SHISA9: variants seen among roughly 807,000 people sequenced by gnomAD.
SHISA9 encodes the protein shisa family member 9, also known as protein shisa-9.
Under a neutral mutation model 38.0 loss-of-function variants are expected in SHISA9, and 13 were observed. The ratio of observed to expected loss-of-function variants is 0.34; its 90% CI spans 0.22 to 0.54. The LOEUF is 0.54. SHISA9 is among the 20% of genes least tolerant of loss of function. The pLI is 0.91. For missense variants in SHISA9, 538 were observed against 575.8 expected (o/e 0.93, Z 0.67); for synonymous variants, 275 against 242.0 (o/e 1.14, Z -1.27).
chr16:12,955,517 C>CAA (rs5815730), intron 2 of SHISA9, among the ~76,000 whole-genome samples: 6 of 149,176 alleles, frequency 4.0e-5, no homozygotes, highest in African/African-American at 1.2e-4. Context: ...TATTATAGGC[C>CAA]AAAAAAAAAA....
At chr16:13,541,077 A>G in the SHISA9 span, among the ~76,000 whole-genome samples, 2 of 152,192 alleles carry the variant, frequency 1.3e-5, no homozygotes, top group African/African-American at 4.8e-5. Flanking sequence ...AGTGGCGACA[A>G]GCTGTGTGTT....
chr16:13,026,199 A>G (rs1195353755), intron 2 of SHISA9, among the ~76,000 whole-genome samples: 1 of 151,600 alleles, frequency 6.6e-6, no homozygotes, highest in African/African-American at 2.4e-5. Flanking sequence ...TACAATTGAG[A>G]CATTTTTGCC....
chr16:13,197,791 T>G (rs1283365361), intron 2 of SHISA9: 1 of 151,938 alleles, frequency 6.6e-6, no homozygotes, highest in African/African-American at 2.4e-5. Flanking sequence ...TCCACAGAGG[T>G]GGGTAAGATA....
At chr16:13,051,613 A>G (rs930931760) in intron 2 of SHISA9, among the ~76,000 whole-genome samples, 2 of 152,156 alleles carry the variant, frequency 1.3e-5, no homozygotes, top group Non-Finnish European at 2.9e-5. Flanking sequence ...CCATTGTGCT[A>G]GGTAGGGCAA....
the SHISA9 span, among the ~76,000 whole-genome samples, chr16:13,358,353 A>T: frequency 6.6e-6 from 1 of 152,094 alleles, no homozygotes; most frequent in Non-Finnish European, 1.5e-5. Context: ...GACTTTAAAA[A>T]GTCTCTCTTC....
chr16:13,528,325 G>A, the SHISA9 span, among the ~76,000 whole-genome samples: 1 of 151,734 alleles, frequency 6.6e-6, no homozygotes, highest in African/African-American at 2.4e-5. Flanking sequence ...GCAACCCAAA[G>A]AGCATCAGAG....
chr16:13,110,596 G>A (rs896514060), intron 2 of SHISA9, among the ~76,000 whole-genome samples: 12 of 152,156 alleles, frequency 7.9e-5, no homozygotes, highest in African/African-American at 2.9e-4. Context: ...GGAGAGGAGA[G>A]CTGGAACTTG....
the SHISA9 span, among the ~76,000 whole-genome samples, chr16:13,400,196 T>A: frequency 3.9e-5 from 6 of 152,154 alleles, no homozygotes. Flanking sequence ...GGAATAAATG[T>A]CCCATTTCTC....
chr16:12,913,096 A>G (rs1345069231), intron 1 of SHISA9, among the ~76,000 whole-genome samples: 1 of 152,178 alleles, frequency 6.6e-6, no homozygotes, highest in South Asian at 2.1e-4. Flanking sequence ...TTTTTGGTAT[A>G]TTTAAAAAGT....
intron 1 of SHISA9, among the ~76,000 whole-genome samples, chr16:12,904,136 G>A (rs1427397049): frequency 6.6e-6 from 1 of 152,106 alleles, no homozygotes; most frequent in Admixed American, 6.5e-5. Context: ...CCACAGGGTG[G>A]CCTGTCCCCA....
the SHISA9 span, among the ~76,000 whole-genome samples, chr16:13,547,934 C>T: frequency 6.6e-6 from 1 of 152,104 alleles, no homozygotes; most frequent in South Asian, 2.1e-4. Context: ...AAGGACAAAG[C>T]TGGTGGCATC....
chr16:13,349,169 C>A, the SHISA9 span, among the ~76,000 whole-genome samples: 1 of 152,078 alleles, frequency 6.6e-6, no homozygotes, highest in Non-Finnish European at 1.5e-5. Flanking sequence ...ATATCAACTC[C>A]CTTTGTTCTC....
the SHISA9 span, among the ~76,000 whole-genome samples, chr16:13,259,316 C>T: frequency 6.6e-6 from 1 of 152,346 alleles, no homozygotes; most frequent in South Asian, 2.1e-4. Flanking sequence ...GCCCCTGTGG[C>T]TCTGCAGGGT....
the SHISA9 span, among the ~76,000 whole-genome samples, chr16:13,440,174 A>ATGTGGG: frequency 6.6e-6 from 1 of 152,134 alleles, no homozygotes; most frequent in Non-Finnish European, 1.5e-5. Flanking sequence ...TCTTAATGGT[A>ATGTGGG]TGTGGGTGGG....
rs528190524 is a variant in SHISA9 at position 12,965,169 on chromosome 16, C to T, written c.691+48354C>T. 3.0e-4 allele frequency among the ~76,000 whole-genome samples: 46 copies of T among 152,076 alleles called. 1 individual carries two copies. Among genetic ancestry groups the T allele is most frequent in the Non-Finnish European group, 2.6e-4 (18 of 68,020 alleles). On this transcript the variant is annotated intron_variant, in intron 2 of 4. Transcript: ENST00000558583. Reference sequence around the variant, plus strand: ...AGGAAATTTCAGAGATTGTGTGTTACATCATATTACATCAATATTACAGCC... The same window carrying T: ...AGGAAATTTCAGAGATTGTGTGTTATATCATATTACATCAATATTACAGCC...
chr16:13,119,958 A>G (rs2074068967), intron 2 of SHISA9, among the ~76,000 whole-genome samples: 1 of 151,676 alleles, frequency 6.6e-6, no homozygotes, highest in Non-Finnish European at 1.5e-5. Flanking sequence ...GATCTCGGAA[A>G]GATGGGGCAG....
At chr16:13,027,842 AC>A (rs2072941807) in intron 2 of SHISA9, among the ~76,000 whole-genome samples, 1 of 148,040 alleles carries the variant, frequency 6.8e-6, no homozygotes, top group African/African-American at 2.5e-5. Flanking sequence ...CAGTAGAATC[AC>A]TTGAACCCAG....
At chr16:13,494,911 T>C in the SHISA9 span, among the ~76,000 whole-genome samples, 2 of 152,204 alleles carry the variant, frequency 1.3e-5, no homozygotes, top group African/African-American at 2.4e-5. Flanking sequence ...TGTCTATACA[T>C]TGATACATGC....
rs201301301 is a variant in SHISA9 at position 12,929,519 on chromosome 16, C to T, written c.691+12704C>T. 6.6e-5 allele frequency among the ~76,000 whole-genome samples: 10 copies of T among 152,144 alleles called. No individual in the cohort carries two copies. The East Asian group carries it at 1.9e-3, about 29-fold the overall frequency. ...ATGGATGGAGCTGGAAGCCATTATCCTCAGCAAACCAATGCAGAAACAGAA... is the reference window on the plus strand; with the variant it reads ...ATGGATGGAGCTGGAAGCCATTATCTTCAGCAAACCAATGCAGAAACAGAA... On this transcript the variant is annotated intron_variant, in intron 2 of 4. Coordinates refer to ENST00000558583, the MANE Select transcript of SHISA9 (RefSeq NM_001145204.3).
Sources: allele counts gnomAD v4.1 joint callset (sites outside exome capture counted in the v4.1 genomes callset), GRCh38; gene constraint gnomAD v4.1.1; transcripts MANE v1.5; gene names NCBI Gene and HGNC (gene_info 2026-07-23, HGNC 2026-07-21).